DPYSL2: variants seen among roughly 807,000 people sequenced by gnomAD.
DPYSL2 encodes dihydropyrimidinase like 2.
Under a neutral mutation model 69.9 loss-of-function variants are expected in DPYSL2, and 13 were observed. The observed-to-expected ratio is 0.19, with a 90% CI of 0.12 to 0.30. The LOEUF is 0.30. DPYSL2 is among the 10% of genes least tolerant of loss of function. DPYSL2 has a pLI of 1.00. For missense variants in DPYSL2, 587 were observed against 918.9 expected, an observed-to-expected ratio of 0.64 and a Z score of 4.67; for synonymous variants, 326 against 359.1, an observed-to-expected ratio of 0.91 and a Z score of 1.04.
rs1803128794 is a variant in DPYSL2 at position 26,644,934 on chromosome 8, A to C, written c.1425+843A>C. Among the ~76,000 whole-genome samples the C allele has an allele frequency of 1.3e-5, 2 of 152,196 alleles. No homozygotes were observed. Among genetic ancestry groups the C allele is most frequent in the Admixed American group, 1.3e-4 (2 of 15,282 alleles). ...TTTTCTGTTTTTTAGTGAATTGTTT[A>C]GATTATATGAAGAATATATCCTTAT... is the stretch of plus-strand genomic sequence containing the variant. On this transcript the variant is annotated intron_variant, in intron 10 of 13. Transcript: ENST00000521913. The surrounding 1 kb of genome is among the most constrained non-coding windows in gnomAD (Gnocchi z 4.5).
At position 26,564,503 on chromosome 8, in the gene DPYSL2, G is replaced by C. The variant is rs1801119953; in HGVS notation, c.355-17466G>C. Among the ~76,000 whole-genome samples the C allele has an allele frequency of 6.6e-6, 1 of 152,178 alleles. No homozygotes were observed. Among genetic ancestry groups the C allele is most frequent in the Admixed American group, 6.5e-5 (1 of 15,286 alleles). ...TCCTTGAATGGGCTGACGTCTTCCTGTGAGACCTAGGGAAGGAGAAAAGAG... is the reference window on the plus strand; with the variant it reads ...TCCTTGAATGGGCTGACGTCTTCCTCTGAGACCTAGGGAAGGAGAAAAGAG... On this transcript the variant is annotated intron_variant, in intron 1 of 13. Coordinates refer to ENST00000521913, the MANE Select transcript of DPYSL2 (RefSeq NM_001197293.3). The surrounding 1 kb of genome is among the most constrained non-coding windows in gnomAD (Gnocchi z 4.8).
At chr8:26,547,612 A>T (rs946792445) in intron 1 of DPYSL2, 2 of 153,772 alleles carry the variant, frequency 1.3e-5, no homozygotes, top group African/African-American at 4.8e-5. Flanking sequence ...AGTGAAAAAC[A>T]TGCAAGAACA....
At chr8:26,638,019 C>T (rs1376370369) in intron 8 of DPYSL2, 1 of 152,246 alleles carries the variant, frequency 6.6e-6, no homozygotes, top group Non-Finnish European at 1.5e-5. Context: ...CAGGTGGGTT[C>T]TTCTGGCCCC....
rs114900295 is a variant in DPYSL2, at chr8:26,577,935, C to T, written c.355-4034C>T. On this transcript the variant is annotated intron_variant, in intron 1 of 13. Transcript: ENST00000521913. Reference sequence around the variant, plus strand: ...ATGCGCCACGGTGGCCGACTTGAACCGAGGCTTTTATTGCTGTAGTTTATT... The same window carrying T: ...ATGCGCCACGGTGGCCGACTTGAACTGAGGCTTTTATTGCTGTAGTTTATT... 3.3e-3 allele frequency: 3,978 copies of T among 1,196,980 alleles called. 70 individuals carry two copies. In the African/African-American group the frequency reaches 0.05, roughly 15 times the overall value. The allele number at this position is 1,196,980 out of a possible 1,614,324, so 74.1% of individuals were successfully genotyped here. A position where few individuals can be genotyped will look rare whatever the true frequency, so the allele number is the denominator to read the frequency against.
chr8:26,535,631 A>ATT (rs1406854218), intron 1 of DPYSL2, among the ~76,000 whole-genome samples: 24 of 149,808 alleles, frequency 1.6e-4, no homozygotes, highest in African/African-American at 6.0e-4. Context: ...ATATATATAT[A>ATT]TATATTTTTT....
chr8:26,530,441 T>A (rs1196212089), intron 1 of DPYSL2, among the ~76,000 whole-genome samples: 2 of 152,246 alleles, frequency 1.3e-5, no homozygotes, highest in East Asian at 3.8e-4. Context: ...TAATTGGATG[T>A]GGACTTTGAA....
chr8:26,521,270 C>T (rs1350566892), intron 1 of DPYSL2, among the ~76,000 whole-genome samples: 3 of 152,168 alleles, frequency 2.0e-5, no homozygotes, highest in Non-Finnish European at 2.9e-5. Flanking sequence ...TGCAGATAAC[C>T]TGCATGGGCT....
rs542337613 is a variant in DPYSL2 at position 26,540,067 on chromosome 8, T to C, written c.354+25388T>C. On this transcript the variant is annotated intron_variant, in intron 1 of 13. Transcript: ENST00000521913. ...TGCCTGACAGGGAAATCAAAATAAT[T>C]GTTTTAAGGAAGCTTAGTGAGCTAC... Among the ~76,000 whole-genome samples, 3 of 152,196 alleles carry C rather than the reference T, an allele frequency of 2.0e-5. No homozygotes were observed. The South Asian group carries it at 6.2e-4, about 31-fold the overall frequency.
At chr8:26,618,414 G>C (rs1802405533) in intron 3 of DPYSL2, among the ~76,000 whole-genome samples, 1 of 151,066 alleles carries the variant, frequency 6.6e-6, no homozygotes, top group Non-Finnish European at 1.5e-5. Flanking sequence ...CTGGGCTCAA[G>C]TGATCTTCCC....
Position 26,627,385 on chromosome 8 carries a change from C to T in DPYSL2, c.936+90C>T. 1 of 1,379,524 alleles carries T rather than the reference C, an allele frequency of 7.2e-7. No homozygotes were observed. Among genetic ancestry groups the T allele is most frequent in the South Asian group, 1.2e-5 (1 of 83,728 alleles). 85.5% of individuals were successfully genotyped at this position (1,379,524 alleles called of 1,614,324 possible). A position where few individuals can be genotyped will look rare whatever the true frequency, so the allele number is the denominator to read the frequency against. ...GGAAGCTGCATCTGTAGCTTAACACCAAGGTGGAAAAGCAGAGGGACCTGG... is the reference window on the plus strand; with the variant it reads ...GGAAGCTGCATCTGTAGCTTAACACTAAGGTGGAAAAGCAGAGGGACCTGG... On this transcript the variant is annotated intron_variant, in intron 6 of 13. Transcript: ENST00000521913. This position sits in a 1 kb window ranked among gnomAD's most constrained non-coding sequence, Gnocchi z 6.9.
chr8:26,552,285 A>G (rs1391118229), intron 1 of DPYSL2, among the ~76,000 whole-genome samples: 1 of 152,232 alleles, frequency 6.6e-6, no homozygotes, highest in Non-Finnish European at 1.5e-5. Flanking sequence ...ATATTAGAAA[A>G]GAAGAAATAT....
At chr8:26,635,369 GTGC>G (rs990034583) in intron 8 of DPYSL2, among the ~76,000 whole-genome samples, 32 of 152,298 alleles carry the variant, frequency 2.1e-4, no homozygotes, top group African/African-American at 7.7e-4. Context: ...AGATGTTTTG[GTGC>G]TTGATAAACT....
chr8:26,576,424 C>T (rs1160565564), intron 1 of DPYSL2, among the ~76,000 whole-genome samples: 1 of 151,924 alleles, frequency 6.6e-6, no homozygotes, highest in Non-Finnish European at 1.5e-5. Context: ...CGACCTCAAG[C>T]AGAGAAGCCC....
chr8:26,586,098 G>C lies in DPYSL2; in HGVS notation c.628+2115G>C, dbSNP rs921687703. 1.3e-5 allele frequency among the ~76,000 whole-genome samples: 2 copies of C among 149,930 alleles called. No individual in the cohort carries two copies. Among genetic ancestry groups the C allele is most frequent in the African/African-American group, 4.9e-5 (2 of 40,944 alleles). Reference sequence around the variant, plus strand: ...ATCCTGAGCAATAGAGTGAGACTCCGTCTCAAAAAAAAACAAACAAAAAAA... The same window carrying C: ...ATCCTGAGCAATAGAGTGAGACTCCCTCTCAAAAAAAAACAAACAAAAAAA... On this transcript the variant is annotated intron_variant, in intron 3 of 13. Coordinates refer to ENST00000521913, the MANE Select transcript of DPYSL2 (RefSeq NM_001197293.3). The surrounding 1 kb of genome is among the most constrained non-coding windows in gnomAD (Gnocchi z 4.7).
intron 1 of DPYSL2, among the ~76,000 whole-genome samples, chr8:26,547,007 T>C (rs890506155): frequency 1.4e-5 from 2 of 148,050 alleles, no homozygotes; most frequent in African/African-American, 5.0e-5. Context: ...AGTCAGATGA[T>C]TGAGGTCACA....
intron 1 of DPYSL2, among the ~76,000 whole-genome samples, chr8:26,524,795 C>A (rs2117603940): frequency 1.3e-5 from 1 of 77,388 alleles, no homozygotes; most frequent in Non-Finnish European, 2.2e-5. Context: ...GAGAGAGACT[C>A]TGTCTCAAAA....
At chr8:26,550,292 A>G (rs1385405434) in intron 1 of DPYSL2, among the ~76,000 whole-genome samples, 2 of 152,234 alleles carry the variant, frequency 1.3e-5, no homozygotes, top group Non-Finnish European at 2.9e-5. Flanking sequence ...AAGGGACATA[A>G]TTGATTTTTT....
At chr8:26,539,163 G>C (rs1373705577) in intron 1 of DPYSL2, among the ~76,000 whole-genome samples, 1 of 152,164 alleles carries the variant, frequency 6.6e-6, no homozygotes, top group Non-Finnish European at 1.5e-5. Flanking sequence ...ATTAGGACTT[G>C]CTTAGCCTTT....
intron 1 of DPYSL2, among the ~76,000 whole-genome samples, chr8:26,569,366 AAAAACAAAAAC>A: frequency 1.6e-5 from 1 of 61,026 alleles, no homozygotes. Flanking sequence ...AAAAAAAAAC[AAAAACAAAAAC>A]AAAAAAAAAC....
Sources: allele counts gnomAD v4.1 joint callset (sites outside exome capture counted in the v4.1 genomes callset), GRCh38; gene constraint gnomAD v4.1.1; non-coding constraint Gnocchi (gnomAD v3.1); transcripts MANE v1.5; gene names NCBI Gene and HGNC (gene_info 2026-07-23, HGNC 2026-07-21).